CGGBP1: variants seen among roughly 807,000 people sequenced by gnomAD.
The protein encoded by CGGBP1 is CGG triplet repeat-binding protein 1.
A neutral mutation model predicts 11.4 loss-of-function variants in CGGBP1; 4 were observed. The ratio of observed to expected loss-of-function variants is 0.35; its 90% CI spans 0.17 to 0.80. The LOEUF (loss-of-function observed/expected upper bound fraction) is 0.80. CGGBP1 is among the 30% of genes least tolerant of loss of function. The pLI, the probability that CGGBP1 is intolerant of heterozygous loss-of-function variation, is 0.52. For missense variants in CGGBP1, 135 were observed against 202.1 expected, an observed-to-expected ratio of 0.67 and a Z score of 2.01; for synonymous variants, 76 against 74.1, an observed-to-expected ratio of 1.03 and a Z score of -0.13.
chr3:88,127,139 G>A (rs1706157222), intron 2 of CGGBP1, among the ~76,000 whole-genome samples: 2 of 152,156 alleles, frequency 1.3e-5, no homozygotes, highest in Non-Finnish European at 1.5e-5. Flanking sequence ...GAGAGCCAAT[G>A]GAGTTTAGTT....
intron 2 of CGGBP1, among the ~76,000 whole-genome samples, chr3:88,106,222 G>C (rs945213556): frequency 6.6e-6 from 1 of 152,186 alleles, no homozygotes; most frequent in Non-Finnish European, 1.5e-5. Flanking sequence ...TGAGCTGTCT[G>C]ATGATATGTC....
chr3:88,119,459 G>T (rs1705634614), intron 2 of CGGBP1, among the ~76,000 whole-genome samples: 2 of 147,748 alleles, frequency 1.4e-5, no homozygotes, highest in Non-Finnish European at 3.0e-5. Context: ...GAGTTAGTGG[G>T]TGTGCGCACC....
rs570213613 is a variant in CGGBP1 at position 88,052,391 on chromosome 3, C to T, written c.*3082G>A. 2 of 152,692 alleles carry T rather than the reference C, an allele frequency of 1.3e-5. No individual in the cohort carries two copies. The highest frequency in any genetic ancestry group is 2.1e-4 in the South Asian group (1 of 4,826). The allele number at this position is 152,692 out of a possible 1,614,324, so 9.5% of individuals were successfully genotyped here. A position where few individuals can be genotyped will look rare whatever the true frequency, so the allele number is the denominator to read the frequency against. ...TTTAAGGTGATTTGTCCTCATTTAA[C>T]GGTAGCTGGGGTAAGTCAAACCACA... On this transcript the variant is annotated 3_prime_UTR_variant, in exon 4 of 4. Transcript: ENST00000482016.
chr3:88,076,079 G>C (rs921520444), intron 2 of CGGBP1, among the ~76,000 whole-genome samples: 1 of 152,176 alleles, frequency 6.6e-6, no homozygotes, highest in Non-Finnish European at 1.5e-5. Flanking sequence ...CATCTGAAAT[G>C]CACCTGAAAT....
intron 2 of CGGBP1, among the ~76,000 whole-genome samples, chr3:88,073,678 TG>T (rs1707638889): frequency 6.6e-6 from 1 of 152,172 alleles, no homozygotes; most frequent in African/African-American, 2.4e-5. Context: ...CAATAAATGG[TG>T]GGAGGAATAA....
intron 2 of CGGBP1, among the ~76,000 whole-genome samples, chr3:88,092,110 A>G (rs1703777615): frequency 6.6e-6 from 1 of 152,242 alleles, no homozygotes; most frequent in Non-Finnish European, 1.5e-5. Context: ...TATTTACTTT[A>G]CAGAGAAGTT....
chr3:88,116,409 A>G (rs1323036208), intron 2 of CGGBP1, among the ~76,000 whole-genome samples: 1 of 151,130 alleles, frequency 6.6e-6, no homozygotes, highest in Non-Finnish European at 1.5e-5. Context: ...AATCCCAGCT[A>G]CTTGGGAGGC....
At chr3:88,110,729 A>C (rs1237312184) in intron 2 of CGGBP1, among the ~76,000 whole-genome samples, 6 of 152,108 alleles carry the variant, frequency 3.9e-5, no homozygotes, top group African/African-American at 1.4e-4. Flanking sequence ...TTAGTTGACT[A>C]TTTATACAGT....
intron 2 of CGGBP1, among the ~76,000 whole-genome samples, chr3:88,075,798 A>G (rs1707769058): frequency 6.6e-6 from 1 of 151,410 alleles, no homozygotes; most frequent in Non-Finnish European, 1.5e-5. Context: ...TATCTCTTGT[A>G]GTGTCTTCCG....
chr3:88,054,532 TAA>T lies in CGGBP1; in HGVS notation c.*939_*940del, dbSNP rs2107556701. 1 of 152,258 alleles carries T rather than the reference TAA, an allele frequency of 6.6e-6. No individual in the cohort carries two copies. Among genetic ancestry groups the T allele is most frequent in the East Asian group, 1.9e-4 (1 of 5,192 alleles). The allele number at this position is 152,258 out of a possible 1,614,324, so 9.4% of individuals were successfully genotyped here. A position where few individuals can be genotyped will look rare whatever the true frequency, so the allele number is the denominator to read the frequency against. On this transcript the variant is annotated 3_prime_UTR_variant, in exon 4 of 4. Coordinates refer to ENST00000482016, the MANE Select transcript of CGGBP1 (RefSeq NM_001008390.2). The stretch of plus-strand genomic sequence containing the variant: ...TTCTAGTCTAGACTATTCACCTAAA[TAA>T]ACTCATAAAGTTGTAGAGAAAAATT...
At chr3:88,069,879 A>C (rs1707410565) in intron 2 of CGGBP1, among the ~76,000 whole-genome samples, 1 of 152,162 alleles carries the variant, frequency 6.6e-6, no homozygotes, top group Admixed American at 6.5e-5. Context: ...GTTTATCCTA[A>C]ATGATTAAAG....
intron 2 of CGGBP1, among the ~76,000 whole-genome samples, chr3:88,099,390 G>A (rs559866988): frequency 2.0e-5 from 3 of 152,210 alleles, no homozygotes; most frequent in Admixed American, 6.5e-5. Context: ...TTGTGAAAAC[G>A]GCCATACTGC....
chr3:88,092,872 A>G (rs1051463067), intron 2 of CGGBP1, among the ~76,000 whole-genome samples: 10 of 152,170 alleles, frequency 6.6e-5, no homozygotes, highest in Non-Finnish European at 1.0e-4. Context: ...TCTGCCTTCT[A>G]TCAGCTGGGA....
At chr3:88,104,631 A>G (rs1359789864) in intron 2 of CGGBP1, among the ~76,000 whole-genome samples, 2 of 152,246 alleles carry the variant, frequency 1.3e-5, no homozygotes, top group African/African-American at 2.4e-5. Context: ...ATATTATTTG[A>G]GATTAGGCGG....
intron 2 of CGGBP1, among the ~76,000 whole-genome samples, chr3:88,064,082 T>A (rs1291278557): frequency 6.6e-6 from 1 of 150,412 alleles, no homozygotes. Flanking sequence ...AAAACAAGAA[T>A]GGATATTATT....
intron 2 of CGGBP1, among the ~76,000 whole-genome samples, chr3:88,103,026 G>A (rs976461606): frequency 9.9e-5 from 15 of 151,946 alleles, no homozygotes; most frequent in African/African-American, 3.4e-4. Flanking sequence ...CCATCTTTAT[G>A]TCCATGAGTA....
chr3:88,118,359 A>G (rs1017912056), intron 2 of CGGBP1, among the ~76,000 whole-genome samples: 2 of 152,094 alleles, frequency 1.3e-5, no homozygotes, highest in African/African-American at 4.8e-5. Flanking sequence ...ACTGCGTAAT[A>G]TACCATAGGA....
At chr3:88,116,167 A>G (rs1705377373) in intron 2 of CGGBP1, among the ~76,000 whole-genome samples, 1 of 152,148 alleles carries the variant, frequency 6.6e-6, no homozygotes, top group Admixed American at 6.5e-5. Flanking sequence ...GAAGTGCATC[A>G]GGCATGCAGC....
In CGGBP1 at chr3:88,053,764, G is replaced by C. The variant is rs1576157236; in HGVS notation, c.*1709C>G. On this transcript the variant is annotated 3_prime_UTR_variant, in exon 4 of 4. Coordinates refer to ENST00000482016, the MANE Select transcript of CGGBP1 (RefSeq NM_001008390.2). ...GGTTGCCTGCAAATTCTTTTCTAGA[G>C]GAAGTAAACGCAAAACACATATGGT... is the stretch of plus-strand genomic sequence containing the variant. 1.3e-5 allele frequency: 2 copies of C among 152,526 alleles called. No individual in the cohort carries two copies. Among genetic ancestry groups the C allele is most frequent in the Non-Finnish European group, 2.9e-5 (2 of 67,976 alleles). The allele number at this position is 152,526 out of a possible 1,614,324, so 9.4% of individuals were successfully genotyped here.
Sources: allele counts gnomAD v4.1 joint callset (sites outside exome capture counted in the v4.1 genomes callset), GRCh38; gene constraint gnomAD v4.1.1; transcripts MANE v1.5; gene names NCBI Gene and HGNC (gene_info 2026-07-23, HGNC 2026-07-21).